Variants in BCAS3 observed in about 807,000 individuals in gnomAD.
BCAS3 encodes BCAS4/BCAS3 fusion.
A neutral mutation model predicts 116.1 loss-of-function variants in BCAS3; 53 were observed. The observed-to-expected ratio is 0.46, with a 90% CI of 0.37 to 0.57. BCAS3 has a LOEUF of 0.57. Ranked by LOEUF, BCAS3 falls within the 20% of genes least tolerant of loss-of-function variation. BCAS3 has a pLI of 0.00. For synonymous variants in BCAS3, 391 were observed against 408.2 expected (o/e 0.96, Z 0.51); for missense variants, 917 against 1,165.4 (o/e 0.79, Z 3.10).
rs1403131628 is a variant in BCAS3 at position 61,214,564 on chromosome 17, G to A, written c.2425+130000G>A. On this transcript the variant is annotated intron_variant, in intron 22 of 23. Coordinates refer to ENST00000407086, the MANE Select transcript of BCAS3 (RefSeq NM_017679.5). This position sits in a 1 kb window ranked among gnomAD's most constrained non-coding sequence, Gnocchi z 4.4. ...AAATTAGCTGGGCGTGGCGGCGGGC[G>A]CCTGTAGTCCCAGCTACTCCGGAGG... Among the ~76,000 whole-genome samples the A allele has an allele frequency of 1.3e-4, 20 of 150,870 alleles. No individual in the cohort carries two copies. Among genetic ancestry groups the A allele is most frequent in the African/African-American group, 4.6e-4 (19 of 40,966 alleles).
rs2067130629 is a variant in BCAS3, at chr17:61,037,515, T to A, written c.1763-374T>A. 6.6e-6 allele frequency among the ~76,000 whole-genome samples: 1 copy of A among 152,210 alleles called. No individual in the cohort carries two copies. The highest frequency in any genetic ancestry group is 6.5e-5 in the Admixed American group (1 of 15,286). ...GTCTGAGCATGGTGGCTCACGCCTTTAATCCCAGCACTTTGAGAGGCTAAG... is the reference window on the plus strand; with the variant it reads ...GTCTGAGCATGGTGGCTCACGCCTTAAATCCCAGCACTTTGAGAGGCTAAG... On this transcript the variant is annotated intron_variant, in intron 17 of 23. Transcript: ENST00000407086. This position sits in a 1 kb window ranked among gnomAD's most constrained non-coding sequence, Gnocchi z 4.7.
chr17:60,966,632 A>G (rs1243788768), intron 14 of BCAS3, among the ~76,000 whole-genome samples: 1 of 152,004 alleles, frequency 6.6e-6, no homozygotes, highest in South Asian at 2.1e-4. Context: ...AACATGTAAA[A>G]AAAATTTATA....
chr17:61,165,170 T>G (rs2078413518), intron 22 of BCAS3, among the ~76,000 whole-genome samples: 1 of 152,210 alleles, frequency 6.6e-6, no homozygotes. Context: ...CTGGTATATT[T>G]CAAAGGAAGC....
chr17:61,375,849 A>G (rs1019567199), intron 23 of BCAS3, among the ~76,000 whole-genome samples: 24 of 152,292 alleles, frequency 1.6e-4, no homozygotes, highest in Admixed American at 1.4e-3. Flanking sequence ...CTGGGATTAC[A>G]TGCATGAGCC....
chr17:60,918,691 A>ATTTT (rs1161722822), intron 12 of BCAS3, among the ~76,000 whole-genome samples: 3 of 127,806 alleles, frequency 2.3e-5, no homozygotes, highest in African/African-American at 3.1e-5. Flanking sequence ...AAGCTTCTCA[A>ATTTT]TTTTTTTTTT....
intron 22 of BCAS3, among the ~76,000 whole-genome samples, chr17:61,159,853 C>T (rs780240881): frequency 6.6e-6 from 1 of 152,128 alleles, no homozygotes; most frequent in Admixed American, 6.5e-5. Context: ...TTTCAAAATC[C>T]AGTCCTAGAA....
At chr17:60,740,577 G>A (rs2041451766) in intron 5 of BCAS3, among the ~76,000 whole-genome samples, 1 of 151,996 alleles carries the variant, frequency 6.6e-6, no homozygotes, top group African/African-American at 2.4e-5. Flanking sequence ...TAAATGGGAC[G>A]TTAGTAATTG....
rs2079444047 is a variant in BCAS3 at position 61,180,960 on chromosome 17, G to C, written c.2425+96396G>C. Among the ~76,000 whole-genome samples, 1 of 152,130 alleles carries C rather than the reference G, an allele frequency of 6.6e-6. No homozygotes were observed. Among genetic ancestry groups the C allele is most frequent in the South Asian group, 2.1e-4 (1 of 4,828 alleles). ...AGGTCAGGCACGATGGCTCACACCT[G>C]TAATCTTAGCACTTTGGGAGGCTGG... is the stretch of plus-strand genomic sequence containing the variant. On this transcript the variant is annotated intron_variant, in intron 22 of 23. Transcript: ENST00000407086. This position sits in a 1 kb window ranked among gnomAD's most constrained non-coding sequence, Gnocchi z 6.0.
rs35031042 is a variant in BCAS3, at chr17:61,181,874, C to CTT, written c.2425+97320_2425+97321dup. On this transcript the variant is annotated intron_variant, in intron 22 of 23. Coordinates refer to ENST00000407086, the MANE Select transcript of BCAS3 (RefSeq NM_017679.5). This position sits in a 1 kb window ranked among gnomAD's most constrained non-coding sequence, Gnocchi z 5.0. The stretch of plus-strand genomic sequence containing the variant: ...ATACCAAAAGTCTTGCTTTTTCCTT[C>CTT]TTTTTTTTTTTAATCTTGAGACACG... 2.1e-3 allele frequency among the ~76,000 whole-genome samples: 312 copies of CTT among 146,730 alleles called. 1 individual carries two copies. The highest frequency in any genetic ancestry group is 6.2e-3 in the African/African-American group (249 of 40,012).
chr17:60,750,729 A>G (rs1465605538), intron 6 of BCAS3, among the ~76,000 whole-genome samples: 1 of 152,154 alleles, frequency 6.6e-6, no homozygotes, highest in Non-Finnish European at 1.5e-5. Context: ...CATCACAACA[A>G]CATTCCCTTG....
chr17:60,912,583 G>GC (rs1432122355), intron 12 of BCAS3, among the ~76,000 whole-genome samples: 1 of 152,050 alleles, frequency 6.6e-6, no homozygotes, highest in Non-Finnish European at 1.5e-5. Flanking sequence ...TTTGTGGTTA[G>GC]CCAAATGTGT....
chr17:60,892,977 G>T (rs1400040918), intron 10 of BCAS3, among the ~76,000 whole-genome samples: 1 of 152,034 alleles, frequency 6.6e-6, no homozygotes. Context: ...TGGTATCTTG[G>T]TGTGGTTTTA....
chr17:61,238,263 C>T (rs1334911518), intron 22 of BCAS3, among the ~76,000 whole-genome samples: 1 of 144,418 alleles, frequency 6.9e-6, no homozygotes, highest in African/African-American at 2.6e-5. Flanking sequence ...GCTCTTGTTG[C>T]TCAGGCTGGA....
chr17:60,937,286 T>TC lies in BCAS3; in HGVS notation c.1088-9933_1088-9932insC, dbSNP rs199612378. ...GGTGCGTTTTGAGTTTTTCTCTCTC[T>TC]TTTTTTTTTCTTCCATGGGGGTGGG... is the stretch of plus-strand genomic sequence containing the variant. On this transcript the variant is annotated intron_variant, in intron 13 of 23. Coordinates refer to ENST00000407086, the MANE Select transcript of BCAS3 (RefSeq NM_017679.5). Among the ~76,000 whole-genome samples, 807 of 149,554 alleles carry TC rather than the reference T, an allele frequency of 5.4e-3. 11 individuals are homozygous for TC. Among genetic ancestry groups the TC allele is most frequent in the Admixed American group, 0.032 (484 of 14,964 alleles).
chr17:60,761,280 G>A (rs2043500889), intron 6 of BCAS3, among the ~76,000 whole-genome samples: 1 of 152,068 alleles, frequency 6.6e-6, no homozygotes, highest in Non-Finnish European at 1.5e-5. Flanking sequence ...TGTTGCATAT[G>A]TATACATGTG....
chr17:60,893,566 T>C (rs2057315591), intron 10 of BCAS3, among the ~76,000 whole-genome samples: 1 of 151,758 alleles, frequency 6.6e-6, no homozygotes, highest in South Asian at 2.1e-4. Flanking sequence ...TCTGATGTTA[T>C]TCAGTTCTCT....
intron 14 of BCAS3, among the ~76,000 whole-genome samples, chr17:60,989,156 T>G (rs1262756156): frequency 6.6e-6 from 1 of 152,148 alleles, no homozygotes; most frequent in African/African-American, 2.4e-5. Flanking sequence ...GACAATTGTT[T>G]TAGGTGGTGG....
intron 7 of BCAS3, among the ~76,000 whole-genome samples, chr17:60,842,665 C>T (rs2052060980): frequency 6.6e-6 from 1 of 152,096 alleles, no homozygotes; most frequent in African/African-American, 2.4e-5. Flanking sequence ...GTAAGCAGTG[C>T]TCACATTTGC....
At chr17:61,212,614 T>A (rs923787142) in intron 22 of BCAS3, among the ~76,000 whole-genome samples, 11 of 151,802 alleles carry the variant, frequency 7.2e-5, no homozygotes, top group Admixed American at 1.3e-4. Flanking sequence ...TGTATAAAGA[T>A]ATATACATAT....
Sources: allele counts gnomAD v4.1 joint callset (sites outside exome capture counted in the v4.1 genomes callset), GRCh38; gene constraint gnomAD v4.1.1; non-coding constraint Gnocchi (gnomAD v3.1); transcripts MANE v1.5; gene names NCBI Gene and HGNC (gene_info 2026-07-23, HGNC 2026-07-21).